TRAPPC9: variants seen among roughly 807,000 people sequenced by gnomAD.
The protein encoded by TRAPPC9 is trafficking protein particle complex subunit 9.
A neutral mutation model predicts 124.0 loss-of-function variants in TRAPPC9; 83 were observed. That is an observed-to-expected ratio of 0.67 (90% CI 0.56 to 0.80). The LOEUF (loss-of-function observed/expected upper bound fraction) is 0.80. Among genes scored for constraint, TRAPPC9 ranks in the 30% least tolerant of loss-of-function variants. TRAPPC9 has a pLI of 0.00. For synonymous variants in TRAPPC9, 638 were observed against 617.5 expected (o/e 1.03, Z -0.49); for missense variants, 1,302 against 1,508.3 (o/e 0.86, Z 2.27).
chr8:140,266,876 A>C (rs996166415), intron 15 of TRAPPC9, among the ~76,000 whole-genome samples: 1 of 152,140 alleles, frequency 6.6e-6, no homozygotes, highest in East Asian at 1.9e-4. Flanking sequence ...AACAAAAAAA[A>C]ACCCACTCAT....
intron 4 of TRAPPC9, among the ~76,000 whole-genome samples, chr8:140,432,458 T>C (rs1248922908): frequency 5.3e-5 from 8 of 152,144 alleles, no homozygotes; most frequent in Non-Finnish European, 2.9e-5. Flanking sequence ...ATTCTACAGG[T>C]AGTGAGGTTG....
intron 19 of TRAPPC9, among the ~76,000 whole-genome samples, chr8:139,955,329 C>T (rs1270095395): frequency 1.3e-5 from 2 of 152,046 alleles, no homozygotes; most frequent in Non-Finnish European, 2.9e-5. Flanking sequence ...TGATCATCTC[C>T]GTGTGGGTTC....
Position 140,201,700 on chromosome 8 carries a change from G to A in TRAPPC9, c.2556+19759C>T, listed in dbSNP as rs544307336. 2.6e-4 allele frequency among the ~76,000 whole-genome samples: 39 copies of A among 152,254 alleles called. 2 individuals carry two copies. In the South Asian group the frequency reaches 6.0e-3, roughly 24 times the overall value. Reference sequence around the variant, plus strand: ...TCATACTCTGAGTCATTTTGATGCTGGGGACATTTTTATATAATACATCTA... The same window carrying A: ...TCATACTCTGAGTCATTTTGATGCTAGGGACATTTTTATATAATACATCTA... On this transcript the variant is annotated intron_variant, in intron 17 of 22. Transcript: ENST00000438773.
At chr8:140,292,031 C>T (rs560325783) in intron 11 of TRAPPC9, among the ~76,000 whole-genome samples, 2 of 152,324 alleles carry the variant, frequency 1.3e-5, no homozygotes, top group African/African-American at 4.8e-5. Context: ...CTGAAGCCCA[C>T]ACAAATCATG....
chr8:140,157,528 T>A lies in TRAPPC9; in HGVS notation c.2556+63931A>T, dbSNP rs73362916. Among the ~76,000 whole-genome samples the A allele has an allele frequency of 3.3e-3, 510 of 152,336 alleles. 2 individuals carry two copies. The highest frequency in any genetic ancestry group is 0.012 in the African/African-American group (493 of 41,576). ...TCAGGAGCAGAACAATGAGATTCCA[T>A]GTAACACCATGAGAGATGCTAAGCA... On this transcript the variant is annotated intron_variant, in intron 17 of 22. Coordinates refer to ENST00000438773, the MANE Select transcript of TRAPPC9 (RefSeq NM_001160372.4).
At chr8:140,360,690 C>T (rs1588214670) in intron 8 of TRAPPC9, among the ~76,000 whole-genome samples, 1 of 152,084 alleles carries the variant, frequency 6.6e-6, no homozygotes, top group African/African-American at 2.4e-5. Flanking sequence ...AGTTTAGCAT[C>T]TTTGAATTAA....
chr8:140,024,123 A>T, intron 17 of TRAPPC9, 44 bp from the exon 18 acceptor site: 1 of 1,605,106 alleles, frequency 6.2e-7, no homozygotes, highest in East Asian at 2.2e-5. Flanking sequence ...CACATTAGTA[A>T]CTCTCTAGTT....
intron 18 of TRAPPC9, among the ~76,000 whole-genome samples, chr8:140,006,241 A>G (rs1382518246): frequency 6.6e-6 from 1 of 152,222 alleles, no homozygotes; most frequent in East Asian, 1.9e-4. Context: ...GAAGACAGTA[A>G]GGATAACTGT....
intron 19 of TRAPPC9, among the ~76,000 whole-genome samples, chr8:139,930,001 T>A (rs757336104): frequency 6.6e-6 from 1 of 152,262 alleles, no homozygotes; most frequent in Non-Finnish European, 1.5e-5. Context: ...AATATACGTG[T>A]TTGGCACTGT....
chr8:139,777,858 G>A (rs1394790940), intron 21 of TRAPPC9, among the ~76,000 whole-genome samples: 1 of 152,202 alleles, frequency 6.6e-6, no homozygotes, highest in Non-Finnish European at 1.5e-5. Context: ...CACAGGGAGT[G>A]GGGACCTCAG....
rs566370597 is a variant in TRAPPC9 at position 140,202,467 on chromosome 8, C to T, written c.2556+18992G>A. 3.7e-4 allele frequency among the ~76,000 whole-genome samples: 57 copies of T among 152,204 alleles called. No homozygotes were observed. The South Asian group carries it at 0.012, about 32-fold the overall frequency. On this transcript the variant is annotated intron_variant, in intron 17 of 22. Transcript: ENST00000438773. ...TCTGTTTTTACCCAGGCACTATATT[C>T]CTGGGTAATTAAATAGCCCCAGTGG...
intron 17 of TRAPPC9, among the ~76,000 whole-genome samples, chr8:140,156,961 T>C (rs1172699111): frequency 2.7e-4 from 27 of 99,606 alleles, no homozygotes; most frequent in Admixed American, 6.6e-4. Flanking sequence ...AAAGCCTCCC[T>C]TTTCCATTCA....
chr8:139,798,551 CA>C (rs1823259454), intron 21 of TRAPPC9, among the ~76,000 whole-genome samples: 1 of 152,194 alleles, frequency 6.6e-6, no homozygotes, highest in African/African-American at 2.4e-5. Context: ...TTTTCAAAGA[CA>C]GGGGCACTGG....
rs1049738110 is a variant in TRAPPC9 at position 140,294,315 on chromosome 8, C to A, written c.1769-3237G>T. 3.3e-5 allele frequency among the ~76,000 whole-genome samples: 5 copies of A among 152,190 alleles called. No homozygotes were observed. In the East Asian group the frequency reaches 7.7e-4, roughly 24 times the overall value. Reference sequence around the variant, plus strand: ...GTCAGTGGCCAGAGCACAACATGCTCCCAGCCCGCCTGACCCCGCCTCACC... The same window carrying A: ...GTCAGTGGCCAGAGCACAACATGCTACCAGCCCGCCTGACCCCGCCTCACC... On this transcript the variant is annotated intron_variant, in intron 11 of 22. Transcript: ENST00000438773.
At chr8:140,432,262 T>C (rs1322267259) in intron 4 of TRAPPC9, among the ~76,000 whole-genome samples, 2 of 151,932 alleles carry the variant, frequency 1.3e-5, no homozygotes, top group East Asian at 1.9e-4. Context: ...CTTTTTAAAA[T>C]ACGATGCTCA....
chr8:139,854,707 C>T (rs745669979), intron 21 of TRAPPC9, among the ~76,000 whole-genome samples: 39 of 152,374 alleles, frequency 2.6e-4, no homozygotes, highest in Non-Finnish European at 4.9e-4. Flanking sequence ...TCATCCTCTC[C>T]TCTCTGCTTT....
intron 17 of TRAPPC9, among the ~76,000 whole-genome samples, chr8:140,143,106 A>G (rs945657939): frequency 2.0e-5 from 3 of 152,250 alleles, no homozygotes; most frequent in African/African-American, 7.2e-5. Flanking sequence ...AGAAAGGAAC[A>G]GGACAGAGAA....
chr8:140,191,316 T>G (rs981265704), intron 17 of TRAPPC9, among the ~76,000 whole-genome samples: 2 of 152,208 alleles, frequency 1.3e-5, no homozygotes, highest in Non-Finnish European at 2.9e-5. Flanking sequence ...CTAATAGTGG[T>G]GAAGTCAGGT....
At position 140,360,281 on chromosome 8, in the gene TRAPPC9, G is replaced by C. The variant is rs1190445930; in HGVS notation, c.1352-88C>G. The C allele has an allele frequency of 2.6e-6, 4 of 1,536,246 alleles. No individual in the cohort carries two copies. In the African/African-American group the frequency reaches 5.4e-5, roughly 21 times the overall value. On this transcript the variant is annotated intron_variant, in intron 8 of 22. Transcript: ENST00000438773. ...TCTAAGTTGTAAAACTTGGCAATTT[G>C]AAGACAGATGCCTCAACCACCAAAC...
Sources: gnomAD v4.1 joint callset for allele counts (sites outside exome capture counted in the v4.1 genomes callset) on GRCh38, gnomAD v4.1.1 for gene constraint, MANE v1.5 for transcripts, NCBI Gene and HGNC (gene_info 2026-07-23, HGNC 2026-07-21) for gene names.